Variants in CLXN observed in about 807,000 individuals in gnomAD.
CLXN encodes EF-hand calcium binding domain 1.
At chr8:48,711,388 C>T in the CLXN span, 2 of 152,234 alleles carry the variant, frequency 1.3e-5, no homozygotes, top group Non-Finnish European at 2.9e-5. Context: ...TGTTGACGCT[C>T]CTCTCACTCT....
the CLXN span, chr8:48,715,363 AG>A: frequency 6.6e-6 from 1 of 152,232 alleles, no homozygotes; most frequent in East Asian, 1.9e-4. Context: ...AATAGCTCTG[AG>A]AATACTCCAG....
the CLXN span, among the ~76,000 whole-genome samples, chr8:48,716,884 G>A: frequency 1.3e-5 from 2 of 152,144 alleles, no homozygotes; most frequent in Admixed American, 6.5e-5. Flanking sequence ...AAAGAGTCAA[G>A]AATTTTACTT....
the CLXN span, chr8:48,724,661 T>C: frequency 1.3e-5 from 15 of 1,139,496 alleles, no homozygotes; most frequent in East Asian, 3.7e-4. Flanking sequence ...AACATCATTT[T>C]TCTGAACTAA....
the CLXN span, among the ~76,000 whole-genome samples, chr8:48,713,208 G>A: frequency 6.6e-6 from 1 of 152,196 alleles, no homozygotes; most frequent in East Asian, 1.9e-4. Flanking sequence ...TATTACTTCT[G>A]CCTCTTTTGG....
chr8:48,723,670 A>G, the CLXN span: 4 of 152,300 alleles, frequency 2.6e-5, no homozygotes, highest in Non-Finnish European at 5.9e-5. Flanking sequence ...CAGGATGCCC[A>G]CAGCACATAC....
At chr8:48,718,693 C>T in the CLXN span, among the ~76,000 whole-genome samples, 1 of 151,982 alleles carries the variant, frequency 6.6e-6, no homozygotes, top group Non-Finnish European at 1.5e-5. Context: ...CTAAACAACA[C>T]ATTTTTGAAC....
the CLXN span, chr8:48,710,802 A>G: frequency 6.4e-4 from 98 of 152,318 alleles, no homozygotes; most frequent in African/African-American, 2.3e-3. Context: ...TTCCAATTTT[A>G]CATAAATTTA....
the CLXN span, among the ~76,000 whole-genome samples, chr8:48,727,197 C>T: frequency 9.5e-6 from 1 of 105,774 alleles, no homozygotes. Flanking sequence ...ATCCACCTCA[C>T]CCATTCATCT....
chr8:48,720,521 A>C, the CLXN span, among the ~76,000 whole-genome samples: 5 of 151,646 alleles, frequency 3.3e-5, no homozygotes, highest in South Asian at 2.1e-4. Context: ...GTGGGGAAAA[A>C]CTCTGCCCTG....
the CLXN span, chr8:48,735,272 C>G: frequency 8.8e-7 from 1 of 1,141,066 alleles, no homozygotes; most frequent in Non-Finnish European, 1.3e-6. Context: ...AGTTACTGAT[C>G]TCGTGCGCGG....
the CLXN span, among the ~76,000 whole-genome samples, chr8:48,722,645 T>G: frequency 6.6e-6 from 1 of 152,128 alleles, no homozygotes; most frequent in East Asian, 1.9e-4. Flanking sequence ...TACTGCCCCG[T>G]GCATTGCAGT....
At chr8:48,730,776 G>A in the CLXN span, 6 of 474,246 alleles carry the variant, frequency 1.3e-5, no homozygotes, top group African/African-American at 8.0e-5. Flanking sequence ...CTCATTTGAC[G>A]AAAGAGGAAA....
the CLXN span, chr8:48,715,145 A>G: frequency 6.6e-6 from 1 of 152,260 alleles, no homozygotes; most frequent in Non-Finnish European, 1.5e-5. Context: ...AAGGATTTAT[A>G]CCAGAATATT....
At chr8:48,732,417 C>T in the CLXN span, among the ~76,000 whole-genome samples, 1 of 152,056 alleles carries the variant, frequency 6.6e-6, no homozygotes, top group African/African-American at 2.4e-5. Flanking sequence ...GAGGTCAGTA[C>T]AGGCATTTGT....
the CLXN span, chr8:48,729,795 G>C: frequency 3.1e-6 from 5 of 1,613,252 alleles, no homozygotes; most frequent in Admixed American, 1.7e-5. Context: ...GTTTGAGAAG[G>C]CTGTTCTTCA....
the CLXN span, chr8:48,734,961 G>T: frequency 2.0e-6 from 2 of 1,006,884 alleles, no homozygotes; most frequent in Non-Finnish European, 2.9e-6. Context: ...TAAGGGGCCG[G>T]GGTGGAGGGG....
the CLXN span, chr8:48,730,603 C>T: frequency 6.8e-6 from 11 of 1,611,946 alleles, no homozygotes; most frequent in African/African-American, 1.3e-5. Flanking sequence ...CACTCCAATA[C>T]ATTTACACAG....
chr8:48,716,472 C>T, the CLXN span: 2 of 152,446 alleles, frequency 1.3e-5, no homozygotes, highest in Non-Finnish European at 2.9e-5. Flanking sequence ...CAAGCGCGGA[C>T]AGAGTGGACT....
At chr8:48,721,617 G>A in the CLXN span, among the ~76,000 whole-genome samples, 1 of 152,240 alleles carries the variant, frequency 6.6e-6, no homozygotes, top group South Asian at 2.1e-4. Context: ...ATAGACCAAT[G>A]GAACACAAGA....
Sources: gnomAD v4.1 joint callset for allele counts (sites outside exome capture counted in the v4.1 genomes callset) on GRCh38, gnomAD v4.1.1 for gene constraint, MANE v1.5 for transcripts, NCBI Gene and HGNC (gene_info 2026-07-23, HGNC 2026-07-21) for gene names.